The following FNDC3A variants were observed in gnomAD, a reference collection of about 807,000 sequenced individuals.
FNDC3A encodes fibronectin type III domain containing 3A, also known as fibronectin type-III domain-containing protein 3A.
Under a neutral mutation model 148.9 loss-of-function variants are expected in FNDC3A, and 32 were observed. The observed-to-expected ratio is 0.21, with a 90% CI of 0.16 to 0.29. The LOEUF is 0.29. Among genes scored for constraint, FNDC3A ranks in the 10% least tolerant of loss-of-function variants. FNDC3A has a pLI of 1.00. For missense variants in FNDC3A, 1,191 were observed against 1,452.8 expected (o/e 0.82, Z 2.93); for synonymous variants, 472 against 473.6 (o/e 1.00, Z 0.04).
At chr13:48,980,500 A>G (rs1273437654) in intron 1 of FNDC3A, among the ~76,000 whole-genome samples, 5 of 152,218 alleles carry the variant, frequency 3.3e-5, no homozygotes, top group Admixed American at 3.3e-4. Context: ...AGTCATCAAG[A>G]AAAGATTATA....
chr13:49,084,699 G>T (rs1878690904), intron 3 of FNDC3A, among the ~76,000 whole-genome samples: 1 of 152,106 alleles, frequency 6.6e-6, no homozygotes, highest in African/African-American at 2.4e-5. Context: ...CACTACTAGA[G>T]TGTGTTGATT....
chr13:49,078,436 C>G (rs566424151), intron 3 of FNDC3A, among the ~76,000 whole-genome samples: 2 of 152,232 alleles, frequency 1.3e-5, no homozygotes, highest in South Asian at 4.1e-4. Context: ...AAATGGATTC[C>G]TTTCTCTATA....
chr13:49,022,781 C>T (rs372684847), intron 2 of FNDC3A, among the ~76,000 whole-genome samples: 175 of 152,150 alleles, frequency 1.2e-3, no homozygotes, highest in African/African-American at 4.0e-3. Flanking sequence ...CATTACTCTC[C>T]TTTTTCAATT....
chr13:49,036,989 T>TAAAGG (rs1874539154), intron 2 of FNDC3A, among the ~76,000 whole-genome samples: 1 of 152,190 alleles, frequency 6.6e-6, no homozygotes, highest in African/African-American at 2.4e-5. Flanking sequence ...AACAGATGGA[T>TAAAGG]ATCTGGAAAG....
intron 23 of FNDC3A, among the ~76,000 whole-genome samples, chr13:49,198,857 C>T (rs1886287274): frequency 6.6e-6 from 1 of 152,148 alleles, no homozygotes; most frequent in Admixed American, 6.5e-5. Flanking sequence ...TTAGAAAACA[C>T]AATGTACATT....
chr13:49,178,596 GAGA>G lies in FNDC3A; in HGVS notation c.1563_1565del (p.Glu521del). 1 of 1,593,764 alleles carries G rather than the reference GAGA, an allele frequency of 6.3e-7. No homozygotes were observed. Among genetic ancestry groups the G allele is most frequent in the Non-Finnish European group, 8.5e-7 (1 of 1,171,070 alleles). On this transcript the variant is annotated inframe_deletion, in exon 14 of 26. Coordinates refer to ENST00000492622, the MANE Select transcript of FNDC3A (RefSeq NM_001079673.2). ...TATGGTTTTAAGCCTAAATATGATGGAGAAGATCTTGCTTACACAGTGAAAAAT... is the reference window on the plus strand; with the variant it reads ...TATGGTTTTAAGCCTAAATATGATGGAGATCTTGCTTACACAGTGAAAAAT...
At chr13:49,134,820 TTTTTGAGATGGAGTTTCACTC>T (rs1882240347) in intron 5 of FNDC3A, among the ~76,000 whole-genome samples, 1 of 131,172 alleles carries the variant, frequency 7.6e-6, no homozygotes, top group African/African-American at 2.9e-5. Flanking sequence ...TTTTTTTTTT[TTTTTGAGATGGAGTTTCACTC>T]TTTTTTTTTT....
At chr13:49,038,422 A>T (rs1359299259) in intron 2 of FNDC3A, among the ~76,000 whole-genome samples, 1 of 152,104 alleles carries the variant, frequency 6.6e-6, no homozygotes, top group Non-Finnish European at 1.5e-5. Flanking sequence ...TGGTTTCCTT[A>T]TAAGAACAGG....
chr13:49,115,198 T>TAAAA (rs11450075), intron 4 of FNDC3A, among the ~76,000 whole-genome samples: 210 of 140,370 alleles, frequency 1.5e-3, no homozygotes, highest in South Asian at 3.4e-3. Flanking sequence ...GGGGGGGAAA[T>TAAAA]AAAAAAAAAA....
Position 49,198,542 on chromosome 13 carries a change from G to A in FNDC3A, c.2955G>A (p.Gln985=), listed in dbSNP as rs778378232. The part of the protein sequence containing the change: ...TPKTLSTDSI[Q]YHLQMEDKNG... The stretch of plus-strand genomic sequence containing the variant: ...AGACATTGTCAACCGATTCTATTCA[G>A]TACCACCTTCAGATGGAGGATAAGA... Residue 985 remains glutamine (Q), a synonymous_variant, in exon 23 of 26, where the codon CAG becomes CAA. Transcript: ENST00000492622. The A allele has an allele frequency of 3.7e-6, 6 of 1,613,976 alleles. No individual in the cohort carries two copies. The highest frequency in any genetic ancestry group is 5.1e-6 in the Non-Finnish European group (6 of 1,179,944).
At chr13:49,110,296 C>G in intron 3 of FNDC3A, 2 of 1,520,316 alleles carry the variant, frequency 1.3e-6, no homozygotes, top group South Asian at 1.3e-5. Context: ...CTCTTACAGC[C>G]TTGCAAAAAA....
At chr13:48,988,520 G>C (rs1420306355) in intron 1 of FNDC3A, among the ~76,000 whole-genome samples, 1 of 152,096 alleles carries the variant, frequency 6.6e-6, no homozygotes, top group Non-Finnish European at 1.5e-5. Context: ...AATGATAAAA[G>C]CCATAATATA....
chr13:49,052,326 C>T (rs1464588494), intron 2 of FNDC3A, among the ~76,000 whole-genome samples: 2 of 152,170 alleles, frequency 1.3e-5, no homozygotes, highest in Non-Finnish European at 2.9e-5. Flanking sequence ...GAGGGAAGAT[C>T]TGAGATTCAA....
chr13:49,110,216 C>T (rs542029506), intron 3 of FNDC3A: 7 of 619,176 alleles, frequency 1.1e-5, no homozygotes, highest in Admixed American at 4.1e-5. Context: ...TTTTTTTTCC[C>T]CCTTGCCCTT....
At chr13:49,005,456 G>T (rs969608529) in intron 1 of FNDC3A, among the ~76,000 whole-genome samples, 2 of 151,734 alleles carry the variant, frequency 1.3e-5, no homozygotes, top group African/African-American at 4.8e-5. Flanking sequence ...TTTTCTTTTT[G>T]TATGTGATAT....
chr13:48,996,465 A>G (rs898210828), intron 1 of FNDC3A, among the ~76,000 whole-genome samples: 3 of 152,334 alleles, frequency 2.0e-5, no homozygotes, highest in Non-Finnish European at 1.5e-5. Context: ...TTTCTTTTTC[A>G]TTATTCCCTA....
At chr13:49,191,174 T>C in intron 18 of FNDC3A, 35 bp from the exon 19 acceptor site, 1 of 1,605,284 alleles carries the variant, frequency 6.2e-7, no homozygotes, top group Non-Finnish European at 8.5e-7. Flanking sequence ...GAAGTATTCG[T>C]CTTGTTAAAT....
At chr13:49,065,475 A>G (rs954544098) in intron 2 of FNDC3A, among the ~76,000 whole-genome samples, 2 of 151,922 alleles carry the variant, frequency 1.3e-5, no homozygotes, top group Non-Finnish European at 2.9e-5. Context: ...GTTTATTGCC[A>G]CTCTTCCATT....
At chr13:49,096,403 C>T (rs1033368423) in intron 3 of FNDC3A, among the ~76,000 whole-genome samples, 16 of 152,114 alleles carry the variant, frequency 1.1e-4, no homozygotes, top group Admixed American at 1.0e-3. Flanking sequence ...AGTTTCCATT[C>T]TTTATGGTTT....
Sources: gnomAD v4.1 joint callset for allele counts (sites outside exome capture counted in the v4.1 genomes callset) on GRCh38, gnomAD v4.1.1 for gene constraint, MANE v1.5 for transcripts, NCBI Gene and HGNC (gene_info 2026-07-23, HGNC 2026-07-21) for gene names.